Variants in GUCY1A2 observed in about 807,000 individuals in gnomAD.
GUCY1A2 encodes the protein guanylate cyclase soluble subunit alpha-2.
A neutral mutation model predicts 63.5 loss-of-function variants in GUCY1A2; 27 were observed. The ratio of observed to expected loss-of-function variants is 0.43; its 90% CI spans 0.31 to 0.59. GUCY1A2 has a LOEUF of 0.59. GUCY1A2 is among the 20% of genes least tolerant of loss of function. The pLI is 0.11. For synonymous variants in GUCY1A2, 364 were observed against 343.5 expected (o/e 1.06, Z -0.66); for missense variants, 768 against 913.3 (o/e 0.84, Z 2.05).
At chr11:106,912,169 C>T (rs1411897481) in intron 4 of GUCY1A2, among the ~76,000 whole-genome samples, 3 of 151,940 alleles carry the variant, frequency 2.0e-5, no homozygotes, top group Non-Finnish European at 4.4e-5. Context: ...CTGGTTCTTA[C>T]TAATTCATAC....
chr11:106,832,134 A>G (rs1859059176), intron 4 of GUCY1A2, among the ~76,000 whole-genome samples: 1 of 152,182 alleles, frequency 6.6e-6, no homozygotes, highest in South Asian at 2.1e-4. Context: ...ATGCTCGTTC[A>G]ACATTAATCA....
In GUCY1A2 at chr11:106,682,562, G is replaced by A. The variant is rs1161809631; in HGVS notation, c.*4987C>T. ...TTCTTAAGGATGGGATGGCAATGAG[G>A]TACTTAACTGAAACCGTGATCTGGT... On this transcript the variant is annotated 3_prime_UTR_variant, in exon 8 of 8. Transcript: ENST00000526355. 1 of 211,906 alleles carries A rather than the reference G, an allele frequency of 4.7e-6. No homozygotes were observed. The highest frequency in any genetic ancestry group is 9.6e-6 in the Non-Finnish European group (1 of 104,612). 13.1% of individuals were successfully genotyped at this position (211,906 alleles called of 1,614,324 possible). A position where few individuals can be genotyped will look rare whatever the true frequency, so the allele number is the denominator to read the frequency against.
chr11:106,839,587 T>C (rs1859167628), intron 4 of GUCY1A2, among the ~76,000 whole-genome samples: 1 of 151,866 alleles, frequency 6.6e-6, no homozygotes, highest in South Asian at 2.1e-4. Context: ...CTACTCACAA[T>C]AGCAAAGACT....
chr11:106,755,272 T>C (rs1255291394), intron 6 of GUCY1A2, among the ~76,000 whole-genome samples: 1 of 152,194 alleles, frequency 6.6e-6, no homozygotes, highest in East Asian at 1.9e-4. Flanking sequence ...GTCTGTCTAT[T>C]TTGTTGATCT....
chr11:106,674,637 T>A lies in GUCY1A2; in HGVS notation c.*12912A>T, dbSNP rs1016006084. 1 of 186,958 alleles carries A rather than the reference T, an allele frequency of 5.3e-6. No homozygotes were observed. The highest frequency in any genetic ancestry group is 1.1e-5 in the Non-Finnish European group (1 of 88,582). The allele number at this position is 186,958 out of a possible 1,614,324, so 11.6% of individuals were successfully genotyped here. A position where few individuals can be genotyped will look rare whatever the true frequency, so the allele number is the denominator to read the frequency against. ...CTACATATATATTAGTATATTTACC[T>A]GGTATTAGTTGATGACATTATAATT... On this transcript the variant is annotated 3_prime_UTR_variant, in exon 8 of 8. Coordinates refer to ENST00000526355, the MANE Select transcript of GUCY1A2 (RefSeq NM_000855.3).
intron 4 of GUCY1A2, among the ~76,000 whole-genome samples, chr11:106,897,374 T>C (rs1027990296): frequency 2.0e-5 from 3 of 152,068 alleles, no homozygotes; most frequent in African/African-American, 7.2e-5. Context: ...GTAGGCAAAA[T>C]ACTTGAAATA....
chr11:106,833,777 A>G (rs1396219377), intron 4 of GUCY1A2, among the ~76,000 whole-genome samples: 1 of 152,034 alleles, frequency 6.6e-6, no homozygotes, highest in Non-Finnish European at 1.5e-5. Flanking sequence ...AATGTCTTAG[A>G]CTTTTTAATG....
At chr11:107,011,596 ATATC>A (rs1437771131) in intron 1 of GUCY1A2, among the ~76,000 whole-genome samples, 3 of 143,458 alleles carry the variant, frequency 2.1e-5, no homozygotes, top group African/African-American at 5.3e-5. Context: ...ATATAAATAT[ATATC>A]TTTAATATAT....
rs532906157 is a variant in GUCY1A2 at position 106,708,757 on chromosome 11, A to G, written c.1837-91T>C. 95 of 750,986 alleles carry G rather than the reference A, an allele frequency of 1.3e-4. 1 individual carries two copies. The Admixed American group carries it at 2.8e-3, about 22-fold the overall frequency. 46.5% of individuals were successfully genotyped at this position (750,986 alleles called of 1,614,324 possible). ...AAAGGCACTGCTAATTAATAATAAT[A>G]ATAATAAAAAAAAACTATGAGCTCC... On this transcript the variant is annotated intron_variant, in intron 6 of 7. Transcript: ENST00000526355.
chr11:106,854,539 A>G (rs1296534932), intron 4 of GUCY1A2, among the ~76,000 whole-genome samples: 1 of 152,144 alleles, frequency 6.6e-6, no homozygotes, highest in Non-Finnish European at 1.5e-5. Context: ...AAAATAGTGC[A>G]TACAGGCAAA....
intron 3 of GUCY1A2, among the ~76,000 whole-genome samples, chr11:106,969,426 T>G (rs577050200): frequency 1.6e-4 from 25 of 152,248 alleles, no homozygotes; most frequent in African/African-American, 6.0e-4. Context: ...AGCAGAGAGA[T>G]AACACAATGG....
At chr11:106,718,877 C>T (rs956718990) in intron 6 of GUCY1A2, among the ~76,000 whole-genome samples, 2 of 152,034 alleles carry the variant, frequency 1.3e-5, no homozygotes, top group African/African-American at 4.8e-5. Context: ...TTAAGGAATT[C>T]AAGAAAACAA....
chr11:106,806,063 A>T (rs1352772451), intron 5 of GUCY1A2, among the ~76,000 whole-genome samples: 2 of 152,134 alleles, frequency 1.3e-5, no homozygotes, highest in Admixed American at 1.3e-4. Context: ...TGGGCCTACT[A>T]GGTATGTGTG....
intron 6 of GUCY1A2, among the ~76,000 whole-genome samples, chr11:106,726,259 C>A (rs146156407): frequency 6.6e-6 from 1 of 151,844 alleles, no homozygotes; most frequent in East Asian, 1.9e-4. Context: ...TACTAAAAAA[C>A]ACAAAAATTA....
At chr11:106,783,891 T>C (rs1864510390) in intron 5 of GUCY1A2, among the ~76,000 whole-genome samples, 1 of 152,142 alleles carries the variant, frequency 6.6e-6, no homozygotes, top group Non-Finnish European at 1.5e-5. Context: ...TTGATGAATC[T>C]GTGGTCTCAT....
At chr11:106,734,902 G>T (rs1466045608) in intron 6 of GUCY1A2, among the ~76,000 whole-genome samples, 1 of 152,088 alleles carries the variant, frequency 6.6e-6, no homozygotes, top group Non-Finnish European at 1.5e-5. Context: ...CCTGGGTTCA[G>T]TGATTTTAAA....
chr11:106,857,405 C>T (rs905388296), intron 4 of GUCY1A2, among the ~76,000 whole-genome samples: 3 of 152,190 alleles, frequency 2.0e-5, no homozygotes, highest in South Asian at 2.1e-4. Flanking sequence ...AGTACCAACA[C>T]ATTTGGATTA....
chr11:106,800,780 C>T (rs1183903049), intron 5 of GUCY1A2, among the ~76,000 whole-genome samples: 1 of 151,844 alleles, frequency 6.6e-6, no homozygotes, highest in African/African-American at 2.4e-5. Context: ...GGAGATATAC[C>T]TAATGAAAAT....
chr11:106,886,122 C>T (rs141282628), intron 4 of GUCY1A2, among the ~76,000 whole-genome samples: 27 of 152,218 alleles, frequency 1.8e-4, no homozygotes, highest in African/African-American at 4.3e-4. Context: ...GGGTACACTG[C>T]CATCCAGAAA....
Sources: gnomAD v4.1 joint callset for allele counts (sites outside exome capture counted in the v4.1 genomes callset) on GRCh38, gnomAD v4.1.1 for gene constraint, MANE v1.5 for transcripts, NCBI Gene and HGNC (gene_info 2026-07-23, HGNC 2026-07-21) for gene names.